PKD1: variants seen among roughly 807,000 people sequenced by gnomAD.
PKD1 encodes polycystin-1.
PKD1 carries 81 observed loss-of-function variants against 361.7 expected under a neutral mutation model. That is an observed-to-expected ratio of 0.22 (90% CI 0.19 to 0.27). The LOEUF is 0.27. Ranked by LOEUF, PKD1 falls within the 10% of genes least tolerant of loss-of-function variation. The pLI is 1.00. For synonymous variants in PKD1, 3,615 were observed against 2,818.3 expected (o/e 1.28, Z -8.95); for missense variants, 6,399 against 6,118.3 (o/e 1.05, Z -1.53).
chr16:2,105,798 G>A lies in PKD1; in HGVS notation c.7863+67C>T, dbSNP rs150376838. The A allele has an allele frequency of 5.6e-4, 845 of 1,503,774 alleles. 3 individuals carry two copies. The East Asian group carries it at 0.011, about 19-fold the overall frequency. 93.2% of individuals were successfully genotyped at this position (1,503,774 alleles called of 1,614,324 possible). On this transcript the variant is annotated intron_variant, in intron 20 of 45. Transcript: ENST00000262304. ...TGAGCCCTCTGCAAAGCTCCAGGCAGGGGTACAGGTCTTGGTCCCAAGCAC... is the reference window on the plus strand; with the variant it reads ...TGAGCCCTCTGCAAAGCTCCAGGCAAGGGTACAGGTCTTGGTCCCAAGCAC...
chr16:2,107,623 T>C, intron 16 of PKD1: 3 of 568,296 alleles, frequency 5.3e-6, no homozygotes, highest in Non-Finnish European at 9.6e-6. Flanking sequence ...GGGAAGGGGC[T>C]CTTCCTCACT....
rs573566934 is a variant in PKD1 at position 2,089,358 on chromosome 16, C to T, written c.*369G>A. 2.1e-3 allele frequency: 727 copies of T among 353,506 alleles called. 10 individuals are homozygous for T. The highest frequency in any genetic ancestry group is 1.0e-3 in the East Asian group (19 of 18,502). 21.9% of individuals were successfully genotyped at this position (353,506 alleles called of 1,614,324 possible). A position where few individuals can be genotyped will look rare whatever the true frequency, so the allele number is the denominator to read the frequency against. ...AGGTAATAACTTAGGGGCAGGGTGG[C>T]GGCGGTGCAGGCTAACCCTCCCTGA... On this transcript the variant is annotated 3_prime_UTR_variant, in exon 46 of 46. Coordinates refer to ENST00000262304, the MANE Select transcript of PKD1 (RefSeq NM_001009944.3).
Position 2,093,570 on chromosome 16 carries a change from C to A in PKD1, c.10990G>T (p.Val3664Phe). 1 of 1,606,192 alleles carries A rather than the reference C, an allele frequency of 6.2e-7. No individual in the cohort carries two copies. Among genetic ancestry groups the A allele is most frequent in the Non-Finnish European group, 8.5e-7 (1 of 1,176,676 alleles). Reference sequence around the variant, plus strand: ...CGCAGCATGCCATGTAGCCTCTTGACCTTGCGGGCTTCTTCCTTGGCCAGG... The same window carrying A: ...CGCAGCATGCCATGTAGCCTCTTGAACTTGCGGGCTTCTTCCTTGGCCAGG... ...LFLAKEEARK[V>F]KRLHGMLRSL... Residue 3664 changes from valine to phenylalanine, a missense_variant, in exon 37 of 46, where the codon GTC (valine) becomes TTC (phenylalanine). Transcript: ENST00000262304.
At position 2,116,138 on chromosome 16, in the gene PKD1, C is replaced by G. The variant is rs530004714; in HGVS notation, c.1723-20G>C. On this transcript the variant is annotated intron_variant, in intron 8 of 45. Transcript: ENST00000262304. ...CATGACCTGGTGGGCAGGGGGCCGC[C>G]TCAGCTCCACAGACCCCATCCCAGC... is the stretch of plus-strand genomic sequence containing the variant. The G allele has an allele frequency of 2.7e-5, 42 of 1,558,298 alleles. No individual in the cohort carries two copies. In the South Asian group the frequency reaches 4.2e-4, roughly 16 times the overall value.
intron 6 of PKD1, among the ~76,000 whole-genome samples, 163 bp from the exon 7 acceptor site, chr16:2,117,216 C>G (rs1175746665): frequency 6.6e-6 from 1 of 152,190 alleles, no homozygotes; most frequent in Non-Finnish European, 1.5e-5. Flanking sequence ...CACAGCAGCA[C>G]CCACCCACGG....
chr16:2,092,433 C>G (rs2091639074), intron 39 of PKD1, 47 bp downstream of exon 39: 1 of 1,339,146 alleles, frequency 7.5e-7, no homozygotes, highest in Non-Finnish European at 1.1e-6. Context: ...GCTGCTCTCT[C>G]AACAAGAGGA....
intron 1 of PKD1, among the ~76,000 whole-genome samples, chr16:2,127,146 G>A (rs2092809488): frequency 6.6e-6 from 1 of 152,234 alleles, no homozygotes; most frequent in African/African-American, 2.4e-5. Flanking sequence ...ACCAGCGACA[G>A]CGCACACCGC....
intron 26 of PKD1, among the ~76,000 whole-genome samples, chr16:2,101,575 GC>G (rs2092098294): frequency 6.6e-6 from 1 of 152,210 alleles, no homozygotes; most frequent in Admixed American, 6.5e-5. Context: ...CCAAGATCAT[GC>G]CATTGCACTC....
At chr16:2,096,300 T>C (rs1415015264) in intron 34 of PKD1, among the ~76,000 whole-genome samples, 2 of 152,352 alleles carry the variant, frequency 1.3e-5, no homozygotes, top group East Asian at 3.9e-4. Context: ...CTGCACTGAA[T>C]CCTGCAGGCA....
At chr16:2,127,105 TC>T (rs760650736) in intron 1 of PKD1, among the ~76,000 whole-genome samples, 75 of 150,792 alleles carry the variant, frequency 5.0e-4, no homozygotes, top group Non-Finnish European at 8.7e-4. Flanking sequence ...TGGCACAACC[TC>T]CCCAAAGCTC....
intron 1 of PKD1, chr16:2,120,046 T>G: frequency 1.7e-6 from 1 of 588,150 alleles, no homozygotes; most frequent in Non-Finnish European, 3.0e-6. Flanking sequence ...ACCCCGTATC[T>G]ACAAAAAATA....
chr16:2,110,035 G>A lies in PKD1; in HGVS notation c.5132C>T (p.Thr1711Ile), dbSNP rs750076336. 27 of 1,610,448 alleles carry A rather than the reference G, an allele frequency of 1.7e-5. No individual in the cohort carries two copies. The highest frequency in any genetic ancestry group is 1.0e-4 in the Admixed American group (6 of 59,958). The change falls in exon 15 of 46, where the codon ACC becomes ATC. Residue 1711 changes from threonine (T) to isoleucine (I), a missense_variant. Coordinates refer to ENST00000262304, the MANE Select transcript of PKD1 (RefSeq NM_001009944.3). The stretch of plus-strand genomic sequence containing the variant: ...CCCCACAGGCTCCACGAAGTCCATG[G>A]TGCAGTCGGCCCAGGCGCTGCCCAG... ...NMLGSAWADC[T>I]MDFVEPVGWL...
In PKD1 at chr16:2,090,545, G is replaced by C. The variant is rs1041735800; in HGVS notation, c.12184C>G (p.Leu4062Val). ...CCAGTCCCAGGGCACAGCACCAACA[G>C]GGCCTGGGCCACGCTCCAGAGGGAG... Reference protein sequence around the residue: ...VDSLWSVAQALLVLCPGTGLS... With the variant: ...VDSLWSVAQAVLVLCPGTGLS... The change falls in exon 45 of 46, where the codon CTG (leucine) becomes GTG (valine). Residue 4062 changes from leucine (L) to valine (V), a missense_variant. Coordinates refer to ENST00000262304, the MANE Select transcript of PKD1 (RefSeq NM_001009944.3). 1.2e-6 allele frequency: 2 copies of C among 1,609,952 alleles called. No homozygotes were observed. The highest frequency in any genetic ancestry group is 3.3e-5 in the Admixed American group (2 of 59,884).
At position 2,090,416 on chromosome 16, in the gene PKD1, T is replaced by G. The variant is rs536724092; in HGVS notation, c.12313A>C (p.Ile4105Leu). 197 of 1,612,460 alleles carry G rather than the reference T, an allele frequency of 1.2e-4. 2 individuals carry two copies. The East Asian group carries it at 4.3e-3, about 35-fold the overall frequency. Residue 4105 changes from isoleucine (I) to leucine (L), a missense_variant, in exon 45 of 46, where the codon ATT becomes CTT. Physicochemically the swap from Ile to Leu is conservative, Grantham distance 5 (BLOSUM62 2). Transcript: ENST00000262304. ...AAGGCGTGGTAGCGCCAGCGGAGAA[T>G]AACAGCCCCCAGCCGTAGGGCGCCC... is the stretch of plus-strand genomic sequence containing the variant. The part of the protein sequence containing the change: ...LWGALRLGAV[I>L]LRWRYHALRG...
Position 2,093,635 on chromosome 16 carries a change from C to A in PKD1, c.10925G>T (p.Arg3642Leu). The change falls in exon 37 of 46, where the codon CGT (arginine) becomes CTT (leucine). Residue 3642 changes from arginine (R) to leucine (L), a missense_variant. By Grantham distance (102) the Arg-to-Leu change is moderately radical. Transcript: ENST00000262304. Reference protein sequence around the residue: ...ESPAVTPVSARVPRVRPPHGF... With the variant: ...ESPAVTPVSALVPRVRPPHGF... ...GTGGGGTGGCCGTACGCGGGGCACA[C>A]GTGCGCTCACAGGCGTCACAGCCGG... The A allele has an allele frequency of 1.2e-6, 2 of 1,609,526 alleles. No homozygotes were observed. Among genetic ancestry groups the A allele is most frequent in the Non-Finnish European group, 1.7e-6 (2 of 1,178,420 alleles).
At chr16:2,093,287 AC>A (rs1351305983) in intron 37 of PKD1, 194 bp from the exon 38 acceptor site, 1 of 711,794 alleles carries the variant, frequency 1.4e-6, no homozygotes, top group African/African-American at 1.8e-5. Context: ...GGGGGCAGAC[AC>A]ACAGGCCACT....
At position 2,116,617 on chromosome 16, in the gene PKD1, A is replaced by T. The variant is rs2092641277; in HGVS notation, c.1634T>A (p.Leu545His). Residue 545 changes from leucine to histidine, a missense_variant, in exon 8 of 46, where the codon CTC becomes CAC. Physicochemically the swap from Leu to His is moderately conservative, Grantham distance 99. Coordinates refer to ENST00000262304, the MANE Select transcript of PKD1 (RefSeq NM_001009944.3). ...CAGGTCCCCACTGGGCGCTCCCACG[A>T]GGAGGTTCTCGGCATCCTGCACTGG... ...GGPVQDAENL[L>H]VGAPSGDLQG... 4 of 1,555,756 alleles carry T rather than the reference A, an allele frequency of 2.6e-6. No homozygotes were observed. The highest frequency in any genetic ancestry group is 2.6e-6 in the Non-Finnish European group (3 of 1,154,876).
rs1351175306 is a variant in PKD1, at chr16:2,118,632, C to G, written c.529+44G>C. 2 of 1,073,412 alleles carry G rather than the reference C, an allele frequency of 1.9e-6. No homozygotes were observed. Among genetic ancestry groups the G allele is most frequent in the Non-Finnish European group, 2.8e-6 (2 of 725,748 alleles). The allele number at this position is 1,073,412 out of a possible 1,614,324, so 66.5% of individuals were successfully genotyped here. On this transcript the variant is annotated intron_variant, in intron 4 of 45. Transcript: ENST00000262304. The surrounding 1 kb of genome is among the most constrained non-coding windows in gnomAD (Gnocchi z 6.0). ...CAGTGTCTGCAGGGCCCAGGTCCCA[C>G]CTGGCTGGGAAGGACAGAGCTGGCC... is the stretch of plus-strand genomic sequence containing the variant.
chr16:2,090,899 G>A lies in PKD1; in HGVS notation c.11988C>T (p.Phe3996=), dbSNP rs759757732. Residue 3996 remains phenylalanine, a synonymous_variant, in exon 43 of 46, where the codon TTC becomes TTT. Coordinates refer to ENST00000262304, the MANE Select transcript of PKD1 (RefSeq NM_001009944.3). ...AARGLAASLL[F]LLLVKAAQQL... ...CAGCCCTCACCTTGACCAAAAGCAG[G>A]AAGAGCAGCGAGGCCGCCAGGCCAC... is the stretch of plus-strand genomic sequence containing the variant. 12 of 1,599,152 alleles carry A rather than the reference G, an allele frequency of 7.5e-6. No individual in the cohort carries two copies. Among genetic ancestry groups the A allele is most frequent in the South Asian group, 3.3e-5 (3 of 90,648 alleles).
Sources: gnomAD v4.1 joint callset for allele counts (sites outside exome capture counted in the v4.1 genomes callset) on GRCh38, gnomAD v4.1.1 for gene constraint, Gnocchi (gnomAD v3.1) non-coding constraint, MANE v1.5 for transcripts, NCBI Gene and HGNC (gene_info 2026-07-23, HGNC 2026-07-21) for gene names.